Variants in RIMS4 observed in about 807,000 individuals in gnomAD.
RIMS4 encodes the protein regulating synaptic membrane exocytosis 4.
In RIMS4, 9 loss-of-function variants were observed where a neutral mutation model predicts 29.0. That is an observed-to-expected ratio of 0.31 (90% confidence interval 0.19 to 0.54). RIMS4 has a LOEUF of 0.54. RIMS4 is among the 20% of genes least tolerant of loss of function. RIMS4 has a pLI of 0.94. For missense variants in RIMS4, 193 were observed against 365.7 expected (o/e 0.53, Z 3.85); for synonymous variants, 130 against 152.9 (o/e 0.85, Z 1.10).
In RIMS4 at chr20:44,810,528, T is replaced by TGGCGGC. The variant is rs1187637592; in HGVS notation, c.-263_-258dup. 6.0e-5 allele frequency among the ~76,000 whole-genome samples: 8 copies of TGGCGGC among 133,222 alleles called. No individual in the cohort carries two copies. The highest frequency in any genetic ancestry group is 1.1e-4 in the Non-Finnish European group (7 of 62,002). The allele number at this position is 133,222 out of a possible 152,430, so 87.4% of individuals were successfully genotyped here. On this transcript the variant is annotated 5_prime_UTR_variant, in exon 1 of 6. Transcript: ENST00000372851. ...GCGGCGGCGGCGGTGGCGGCGGCGG[T>TGGCGGC]GGCGGCGCAGCGCGCTCTGGTCCGC...
intron 1 of RIMS4, among the ~76,000 whole-genome samples, chr20:44,806,894 T>C (rs1018907638): frequency 3.3e-5 from 5 of 152,238 alleles, no homozygotes; most frequent in African/African-American, 1.2e-4. Flanking sequence ...AGGCTTGCTA[T>C]GAGGAATGAG....
chr20:44,756,202 G>A lies in RIMS4; in HGVS notation c.742C>T (p.Pro248Ser), dbSNP rs1231166465. 1 of 1,613,912 alleles carries A rather than the reference G, an allele frequency of 6.2e-7. No homozygotes were observed. The highest frequency in any genetic ancestry group is 1.3e-5 in the African/African-American group (1 of 74,914). ...TSSMVDPATG[P>S]LLRQASQLSL... ...AACTGGGATGCCTGCCGGAGCAGGG[G>A]GCCTGTGGCTGGGTCCACCATGGAG... Residue 248 changes from proline to serine, a missense_variant, in exon 6 of 6, where the codon CCC (proline) becomes TCC (serine). Transcript: ENST00000372851. The surrounding 1 kb of genome is among the most constrained non-coding windows in gnomAD (Gnocchi z 5.9).
At chr20:44,767,368 C>T (rs2066118238) in intron 2 of RIMS4, among the ~76,000 whole-genome samples, 1 of 152,152 alleles carries the variant, frequency 6.6e-6, no homozygotes, top group African/African-American at 2.4e-5. Context: ...GGCTGGTTGA[C>T]TCTGCATCCT....
At chr20:44,763,961 T>C (rs970459242) in intron 2 of RIMS4, among the ~76,000 whole-genome samples, 3 of 151,992 alleles carry the variant, frequency 2.0e-5, no homozygotes, top group African/African-American at 7.2e-5. Context: ...CATCCATCCA[T>C]CCATTTATCC....
At chr20:44,759,104 C>T (rs1291574071) in intron 2 of RIMS4, among the ~76,000 whole-genome samples, 1 of 152,220 alleles carries the variant, frequency 6.6e-6, no homozygotes, top group Admixed American at 6.5e-5. Context: ...ATGTTCCCAT[C>T]TCCTAGGTCT....
At chr20:44,792,402 C>T (rs1212809164) in intron 1 of RIMS4, among the ~76,000 whole-genome samples, 3 of 151,954 alleles carry the variant, frequency 2.0e-5, no homozygotes, top group South Asian at 4.1e-4. Context: ...AAGTGATTCT[C>T]CTGCCTCAGC....
At chr20:44,769,621 C>G (rs1467756730) in intron 2 of RIMS4, among the ~76,000 whole-genome samples, 1 of 152,206 alleles carries the variant, frequency 6.6e-6, no homozygotes, top group Non-Finnish European at 1.5e-5. Flanking sequence ...ACACTGGCTC[C>G]CTTCCTCCTC....
chr20:44,762,479 C>T (rs1392386764), intron 2 of RIMS4, among the ~76,000 whole-genome samples: 1 of 152,106 alleles, frequency 6.6e-6, no homozygotes, highest in African/African-American at 2.4e-5. Flanking sequence ...ATGGAAGGAG[C>T]GCAGCCTCCC....
chr20:44,797,873 T>TTATA (rs2066261691), intron 1 of RIMS4, among the ~76,000 whole-genome samples: 4 of 152,224 alleles, frequency 2.6e-5, no homozygotes. Flanking sequence ...TACCTCCTGC[T>TTATA]TATAGCTGTG....
intron 1 of RIMS4, among the ~76,000 whole-genome samples, chr20:44,781,140 A>G (rs765126998): frequency 5.3e-5 from 8 of 152,188 alleles, no homozygotes; most frequent in Non-Finnish European, 8.8e-5. Context: ...GACATGAAAC[A>G]GATAAGTAAT....
chr20:44,752,383 G>A lies in RIMS4; in HGVS notation c.*3751C>T, dbSNP rs568635590. On this transcript the variant is annotated 3_prime_UTR_variant, in exon 6 of 6. Transcript: ENST00000372851. ...TGTTTCTGACACGGAAATGCACCCA[G>A]GAGCTCCTGGCTGAAGGGAATTGGC... 1.3e-5 allele frequency: 2 copies of A among 152,372 alleles called. No individual in the cohort carries two copies. The highest frequency in any genetic ancestry group is 1.3e-4 in the Admixed American group (2 of 15,310). The allele number at this position is 152,372 out of a possible 1,614,324, so 9.4% of individuals were successfully genotyped here. A position where few individuals can be genotyped will look rare whatever the true frequency, so the allele number is the denominator to read the frequency against.
At position 44,789,826 on chromosome 20, in the gene RIMS4, G is replaced by A. The variant is rs564509871; in HGVS notation, c.98-18413C>T. On this transcript the variant is annotated intron_variant, in intron 1 of 5. Coordinates refer to ENST00000372851, the MANE Select transcript of RIMS4 (RefSeq NM_182970.4). ...TGCCACCTCAGCTTTCCAAAGTGCC[G>A]GGATTACAGTCATGAGATGAGCCAC... is the stretch of plus-strand genomic sequence containing the variant. Among the ~76,000 whole-genome samples the A allele has an allele frequency of 2.2e-4, 34 of 152,298 alleles. No homozygotes were observed. The East Asian group carries it at 5.4e-3, about 24-fold the overall frequency.
At chr20:44,774,405 G>C (rs1201085417) in intron 1 of RIMS4, among the ~76,000 whole-genome samples, 1 of 152,116 alleles carries the variant, frequency 6.6e-6, no homozygotes, top group Non-Finnish European at 1.5e-5. Context: ...CTCAATCTGG[G>C]TGGCATCATC....
intron 2 of RIMS4, among the ~76,000 whole-genome samples, chr20:44,768,486 C>T (rs1487963282): frequency 6.6e-6 from 1 of 152,186 alleles, no homozygotes; most frequent in Non-Finnish European, 1.5e-5. Context: ...TGTTTCAGAG[C>T]CCGGCATTTG....
chr20:44,783,452 GTC>G (rs1157657287), intron 1 of RIMS4, among the ~76,000 whole-genome samples: 1 of 152,050 alleles, frequency 6.6e-6, no homozygotes, highest in Non-Finnish European at 1.5e-5. Context: ...GTGAAACACT[GTC>G]TCTACTAAAA....
intron 1 of RIMS4, among the ~76,000 whole-genome samples, chr20:44,799,196 A>G (rs1352804095): frequency 6.6e-6 from 1 of 152,086 alleles, no homozygotes; most frequent in Non-Finnish European, 1.5e-5. Context: ...CCAGCCACTC[A>G]GGAGGCTGAG....
intron 2 of RIMS4, among the ~76,000 whole-genome samples, chr20:44,770,886 G>A (rs1032090966): frequency 4.6e-5 from 7 of 152,158 alleles, no homozygotes; most frequent in African/African-American, 9.7e-5. Flanking sequence ...ACAGCACTTA[G>A]TGCCAAACAC....
At chr20:44,764,073 T>TCCATCCATCCATCCATCCAC (rs1568895492) in intron 2 of RIMS4, among the ~76,000 whole-genome samples, 2 of 147,778 alleles carry the variant, frequency 1.4e-5, no homozygotes, top group African/African-American at 2.5e-5. Context: ...CATTTATCCA[T>TCCATCCATCCATCCATCCAC]CCATCCATCC....
intron 1 of RIMS4, among the ~76,000 whole-genome samples, chr20:44,790,690 A>G (rs558694601): frequency 1.6e-4 from 24 of 152,350 alleles, no homozygotes; most frequent in East Asian, 1.9e-4. Flanking sequence ...AAGGATGGAC[A>G]GAGGAGGCAG....
Sources: gnomAD v4.1 joint callset for allele counts (sites outside exome capture counted in the v4.1 genomes callset) on GRCh38, gnomAD v4.1.1 for gene constraint, Gnocchi (gnomAD v3.1) non-coding constraint, MANE v1.5 for transcripts, NCBI Gene and HGNC (gene_info 2026-07-23, HGNC 2026-07-21) for gene names.